Variants in CNTN1 observed in about 807,000 individuals in gnomAD.
The protein encoded by CNTN1 is contactin 1.
A neutral mutation model predicts 126.4 loss-of-function variants in CNTN1; 38 were observed. The ratio of observed to expected loss-of-function variants is 0.30; its 90% CI spans 0.23 to 0.39. CNTN1 has a LOEUF of 0.39. Among genes scored for constraint, CNTN1 ranks in the 10% least tolerant of loss-of-function variants. CNTN1 has a pLI of 1.00. For synonymous variants in CNTN1, 413 were observed against 422.6 expected (o/e 0.98, Z 0.28); for missense variants, 1,009 against 1,248.4 (o/e 0.81, Z 2.89).
chr12:40,711,106 C>G (rs1026447823), intron 1 of CNTN1, among the ~76,000 whole-genome samples: 1 of 152,092 alleles, frequency 6.6e-6, no homozygotes, highest in Non-Finnish European at 1.5e-5. Flanking sequence ...GGAATCTCTT[C>G]TCTTTCATAT....
chr12:41,063,523 T>A (rs931422723), intron 23 of CNTN1, among the ~76,000 whole-genome samples: 1 of 152,198 alleles, frequency 6.6e-6, no homozygotes, highest in Admixed American at 6.5e-5. Context: ...GTCTCTTTTT[T>A]GCCCCAGAAC....
intron 1 of CNTN1, among the ~76,000 whole-genome samples, chr12:40,697,340 T>A (rs1941475638): frequency 6.6e-6 from 1 of 152,222 alleles, no homozygotes; most frequent in Non-Finnish European, 1.5e-5. Flanking sequence ...TCTGAGTTAT[T>A]GTTCCTATGA....
intron 3 of CNTN1, among the ~76,000 whole-genome samples, chr12:40,912,182 A>G (rs191536247): frequency 6.6e-6 from 1 of 151,798 alleles, no homozygotes; most frequent in Admixed American, 6.6e-5. Context: ...AATCATCAAA[A>G]CCAACTTCAC....
At chr12:41,052,823 A>G (rs1363943419) in intron 23 of CNTN1, among the ~76,000 whole-genome samples, 1 of 152,060 alleles carries the variant, frequency 6.6e-6, no homozygotes, top group African/African-American at 2.4e-5. Flanking sequence ...CAAAACATGA[A>G]TCGGATTTCC....
intron 23 of CNTN1, among the ~76,000 whole-genome samples, chr12:41,048,727 TGAAGGAAGGAAAGAGG>T (rs947924497): frequency 3.7e-5 from 5 of 135,140 alleles, no homozygotes; most frequent in African/African-American, 1.4e-4. Context: ...AGGAAAAAAA[TGAAGGAAGGAAAGAGG>T]GAAGGAAGGA....
intron 1 of CNTN1, among the ~76,000 whole-genome samples, chr12:40,764,531 A>G (rs1939000522): frequency 6.6e-6 from 1 of 152,198 alleles, no homozygotes; most frequent in Admixed American, 6.5e-5. Flanking sequence ...TTTGATGACT[A>G]CATTTCAAAG....
intron 1 of CNTN1, among the ~76,000 whole-genome samples, chr12:40,736,079 G>T (rs1184200044): frequency 6.6e-6 from 1 of 152,018 alleles, no homozygotes; most frequent in Non-Finnish European, 1.5e-5. Flanking sequence ...CCAATCCCCA[G>T]GGTAAGCTGA....
chr12:40,728,530 T>C (rs978599331), intron 1 of CNTN1, among the ~76,000 whole-genome samples: 7 of 152,130 alleles, frequency 4.6e-5, no homozygotes, highest in Non-Finnish European at 5.9e-5. Context: ...ACCCTACTTG[T>C]AAGGACTTGG....
intron 12 of CNTN1, among the ~76,000 whole-genome samples, chr12:40,940,720 G>A (rs1946238101): frequency 6.6e-6 from 1 of 152,292 alleles, no homozygotes; most frequent in Non-Finnish European, 1.5e-5. Flanking sequence ...GGGCAAGAGG[G>A]CAGGGACATC....
intron 20 of CNTN1, among the ~76,000 whole-genome samples, chr12:41,023,926 C>T (rs1948982103): frequency 6.6e-6 from 1 of 152,128 alleles, no homozygotes; most frequent in South Asian, 2.1e-4. Context: ...GCAGAGTGAA[C>T]AGGAAAGAGG....
At chr12:40,786,480 G>A (rs995992599) in intron 1 of CNTN1, among the ~76,000 whole-genome samples, 1 of 152,142 alleles carries the variant, frequency 6.6e-6, no homozygotes, top group African/African-American at 2.4e-5. Flanking sequence ...TCTTTCCAAG[G>A]TGATCCCTTC....
intron 1 of CNTN1, among the ~76,000 whole-genome samples, chr12:40,712,580 C>A (rs1259344090): frequency 2.0e-5 from 3 of 151,988 alleles, no homozygotes; most frequent in Non-Finnish European, 4.4e-5. Context: ...AAGCTTAGAG[C>A]AAGCCCAACC....
chr12:40,870,203 T>C (rs1943436906), intron 1 of CNTN1, among the ~76,000 whole-genome samples: 1 of 141,730 alleles, frequency 7.1e-6, no homozygotes, highest in Middle Eastern at 3.8e-3. Context: ...GTCTTGGGTA[T>C]GTCTTTATCA....
intron 15 of CNTN1, among the ~76,000 whole-genome samples, chr12:40,966,710 T>G (rs1947320527): frequency 6.6e-6 from 1 of 152,154 alleles, no homozygotes; most frequent in Non-Finnish European, 1.5e-5. Context: ...CAAGAATTTT[T>G]TCAAATATGG....
In CNTN1 at chr12:40,922,174, A is replaced by C. The variant is rs1945464164; in HGVS notation, c.228-82A>C. Reference sequence around the variant, plus strand: ...CTGACTTCACATGGAGCCGTACCCAAATTATTTTAGAACTGTGTTAGCTCC... The same window carrying C: ...CTGACTTCACATGGAGCCGTACCCACATTATTTTAGAACTGTGTTAGCTCC... On this transcript the variant is annotated intron_variant, in intron 4 of 23. Transcript: ENST00000551295. 10 of 1,244,702 alleles carry C rather than the reference A, an allele frequency of 8.0e-6. No individual in the cohort carries two copies. In the South Asian group the frequency reaches 1.1e-4, roughly 14 times the overall value. 77.1% of individuals were successfully genotyped at this position (1,244,702 alleles called of 1,614,324 possible). A position where few individuals can be genotyped will look rare whatever the true frequency, so the allele number is the denominator to read the frequency against.
chr12:40,849,048 A>G (rs1435768409), intron 1 of CNTN1, among the ~76,000 whole-genome samples: 1 of 152,174 alleles, frequency 6.6e-6, no homozygotes, highest in Non-Finnish European at 1.5e-5. Context: ...GTGTGGTTGT[A>G]CCATCAAACA....
intron 6 of CNTN1, among the ~76,000 whole-genome samples, chr12:40,927,794 C>T (rs1355709407): frequency 6.6e-6 from 1 of 152,044 alleles, no homozygotes; most frequent in Non-Finnish European, 1.5e-5. Flanking sequence ...GTCAGTTAGA[C>T]CAGTTGTTCT....
intron 17 of CNTN1, among the ~76,000 whole-genome samples, chr12:41,010,246 C>T (rs1204576775): frequency 2.6e-5 from 4 of 152,178 alleles, no homozygotes; most frequent in African/African-American, 9.7e-5. Context: ...GTTGGACAAT[C>T]TGTGAGACTG....
chr12:41,044,603 T>C (rs1949501036), intron 23 of CNTN1, among the ~76,000 whole-genome samples: 1 of 152,128 alleles, frequency 6.6e-6, no homozygotes, highest in Non-Finnish European at 1.5e-5. Context: ...TGGTGATGTG[T>C]TCTAAATTTA....
Sources: allele counts gnomAD v4.1 joint callset (sites outside exome capture counted in the v4.1 genomes callset), GRCh38; gene constraint gnomAD v4.1.1; transcripts MANE v1.5; gene names NCBI Gene and HGNC (gene_info 2026-07-23, HGNC 2026-07-21).